PCDH15: variants seen among roughly 807,000 people sequenced by gnomAD.
PCDH15 encodes the protein protocadherin related 15.
Under a neutral mutation model 178.5 loss-of-function variants are expected in PCDH15, and 129 were observed. The observed-to-expected ratio is 0.72, with a 90% CI of 0.63 to 0.84. The LOEUF (loss-of-function observed/expected upper bound fraction) is 0.84. Among genes scored for constraint, PCDH15 ranks in the 40% least tolerant of loss-of-function variants. The pLI, the probability that PCDH15 is intolerant of heterozygous loss-of-function variation, is 0.00. For synonymous variants in PCDH15, 800 were observed against 732.0 expected, an observed-to-expected ratio of 1.09 and a Z score of -1.50; for missense variants, 2,230 against 2,099.9, an observed-to-expected ratio of 1.06 and a Z score of -1.21.
At chr10:54,118,024 A>G (rs2095146103) in intron 15 of PCDH15, among the ~76,000 whole-genome samples, 1 of 152,208 alleles carries the variant, frequency 6.6e-6, no homozygotes, top group African/African-American at 2.4e-5. Context: ...GTCATTATTC[A>G]TAGAACTAGA....
chr10:54,521,918 T>C (rs753680017), intron 3 of PCDH15, among the ~76,000 whole-genome samples: 2 of 151,754 alleles, frequency 1.3e-5, no homozygotes, highest in Non-Finnish European at 2.9e-5. Context: ...TGGAACCCCA[T>C]CTCTACTAAA....
At chr10:55,518,569 C>G (rs1287089909) in intron 2 of PCDH15, among the ~76,000 whole-genome samples, 1 of 151,940 alleles carries the variant, frequency 6.6e-6, no homozygotes, top group Non-Finnish European at 1.5e-5. Context: ...AACTTCCAAA[C>G]TTCACCCTCA....
intron 3 of PCDH15, among the ~76,000 whole-genome samples, chr10:54,874,818 A>G (rs887050523): frequency 5.3e-5 from 8 of 152,184 alleles, no homozygotes; most frequent in African/African-American, 1.9e-4. Context: ...GCCCCTTATC[A>G]AGTAATGTTT....
intron 2 of PCDH15, among the ~76,000 whole-genome samples, chr10:54,964,210 G>T (rs1838725194): frequency 1.3e-5 from 2 of 152,110 alleles, no homozygotes; most frequent in African/African-American, 4.8e-5. Flanking sequence ...AAGTTTTAAG[G>T]CTGGCTGAGT....
At chr10:55,060,720 T>C (rs1162603629) in intron 2 of PCDH15, among the ~76,000 whole-genome samples, 1 of 152,032 alleles carries the variant, frequency 6.6e-6, no homozygotes, top group Non-Finnish European at 1.5e-5. Context: ...AAAACGATTT[T>C]ATATGCTAAG....
rs567091531 is a variant in PCDH15 at position 55,058,152 on chromosome 10, T to G, written c.-80+108424A>C. ...TTCATTCAAATGCATCCATGTGTAA[T>G]TTTGTTCTTTAAGCAATAATTATCT... On this transcript the variant is annotated intron_variant, in intron 2 of 5. Transcript: ENST00000458638. Among the ~76,000 whole-genome samples the G allele has an allele frequency of 2.0e-5, 3 of 152,306 alleles. No individual in the cohort carries two copies. In the East Asian group the frequency reaches 5.8e-4, roughly 29 times the overall value.
At chr10:54,417,822 G>A (rs1396767824) in intron 3 of PCDH15, among the ~76,000 whole-genome samples, 1 of 152,088 alleles carries the variant, frequency 6.6e-6, no homozygotes, top group Non-Finnish European at 1.5e-5. Context: ...TGCTATGACT[G>A]TATTACATTT....
At chr10:55,099,361 CTG>C (rs1489947940) in intron 2 of PCDH15, among the ~76,000 whole-genome samples, 1 of 151,974 alleles carries the variant, frequency 6.6e-6, no homozygotes, top group African/African-American at 2.4e-5. Context: ...ATTGGAGAAA[CTG>C]GACTTGACTA....
At chr10:53,964,462 A>G (rs1385119290) in intron 21 of PCDH15, among the ~76,000 whole-genome samples, 1 of 144,370 alleles carries the variant, frequency 6.9e-6, no homozygotes, top group Non-Finnish European at 1.6e-5. Context: ...TTATTCATAA[A>G]ATTTTTATAA....
intron 27 of PCDH15, among the ~76,000 whole-genome samples, chr10:53,865,891 A>G (rs983084396): frequency 6.6e-6 from 1 of 152,222 alleles, no homozygotes; most frequent in African/African-American, 2.4e-5. Context: ...AAATATTTCT[A>G]ATGAATATAC....
At chr10:55,057,573 A>G (rs983352536) in intron 2 of PCDH15, among the ~76,000 whole-genome samples, 17 of 152,220 alleles carry the variant, frequency 1.1e-4, no homozygotes, top group African/African-American at 4.1e-4. Flanking sequence ...TGGCATACAG[A>G]AAGCATGGTT....
chr10:55,298,201 TAAG>T (rs1843183164), intron 1 of PCDH15, among the ~76,000 whole-genome samples: 1 of 152,168 alleles, frequency 6.6e-6, no homozygotes. Flanking sequence ...AAAAGGGGAA[TAAG>T]AATGCATTTA....
intron 3 of PCDH15, among the ~76,000 whole-genome samples, chr10:54,504,362 C>A (rs1157925200): frequency 6.6e-6 from 1 of 152,094 alleles, no homozygotes; most frequent in Non-Finnish European, 1.5e-5. Flanking sequence ...CAACCCTGTT[C>A]AGGTATTGTT....
chr10:55,316,097 T>A (rs937757906), intron 1 of PCDH15, among the ~76,000 whole-genome samples: 5 of 152,206 alleles, frequency 3.3e-5, no homozygotes, highest in African/African-American at 1.2e-4. Flanking sequence ...AAAAATGTTT[T>A]TTTGTAAATG....
Position 55,508,915 on chromosome 10 carries a change from G to A in PCDH15, c.-156+118710C>T, listed in dbSNP as rs957327003. 2.0e-5 allele frequency among the ~76,000 whole-genome samples: 3 copies of A among 151,520 alleles called. 1 individual carries two copies. The highest frequency in any genetic ancestry group is 7.3e-5 in the African/African-American group (3 of 41,346). On this transcript the variant is annotated intron_variant, in intron 2 of 5. Transcript: ENST00000613346. ...ACATAAAGGTAGCTGAATATTACAA[G>A]TTCAAATGTCAGGTCCAAATAACCA...
At chr10:54,319,338 G>A (rs1564954112) in intron 7 of PCDH15, among the ~76,000 whole-genome samples, 1 of 152,142 alleles carries the variant, frequency 6.6e-6, no homozygotes, top group Non-Finnish European at 1.5e-5. Flanking sequence ...AATAGCATAT[G>A]ATTCAAGCAT....
intron 13 of PCDH15, among the ~76,000 whole-genome samples, chr10:54,155,371 G>A (rs966760873): frequency 6.6e-6 from 1 of 152,194 alleles, no homozygotes; most frequent in East Asian, 1.9e-4. Context: ...AACCACAGTT[G>A]AGCTAAGGTA....
chr10:54,257,030 TTCTC>T (rs1403182039), intron 8 of PCDH15, among the ~76,000 whole-genome samples: 2 of 149,982 alleles, frequency 1.3e-5, no homozygotes, highest in Admixed American at 6.8e-5. Flanking sequence ...CACTTTCTCA[TTCTC>T]TCTCTCTCGA....
At chr10:54,983,537 A>G (rs1338156130) in intron 2 of PCDH15, among the ~76,000 whole-genome samples, 5 of 152,170 alleles carry the variant, frequency 3.3e-5, no homozygotes, top group Non-Finnish European at 7.3e-5. Flanking sequence ...TGGAATAACC[A>G]GGCCTGAGAA....
Sources: allele counts gnomAD v4.1 joint callset (sites outside exome capture counted in the v4.1 genomes callset), GRCh38; gene constraint gnomAD v4.1.1; transcripts MANE v1.5; gene names NCBI Gene and HGNC (gene_info 2026-07-23, HGNC 2026-07-21).